ZNF385A: variants seen among roughly 807,000 people sequenced by gnomAD.
The protein encoded by ZNF385A is zinc finger protein 385A, also known as hematopoietic zinc finger protein.
A neutral mutation model predicts 32.1 loss-of-function variants in ZNF385A; 14 were observed. The ratio of observed to expected loss-of-function variants is 0.44; its 90% CI spans 0.29 to 0.68. ZNF385A has a LOEUF of 0.68. ZNF385A is among the 30% of genes least tolerant of loss of function. The pLI, the probability that ZNF385A is intolerant of heterozygous loss-of-function variation, is 0.14. For synonymous variants in ZNF385A, 197 were observed against 202.7 expected, an observed-to-expected ratio of 0.97 and a Z score of 0.24; for missense variants, 406 against 478.4, an observed-to-expected ratio of 0.85 and a Z score of 1.41.
At chr12:54,389,440 A>G (rs567434798), upstream of ZNF385A, among the ~76,000 whole-genome samples, 4 of 152,042 alleles carry the variant, frequency 2.6e-5, no homozygotes, top group South Asian at 4.1e-4. Context: ...GACTTCCCGC[A>G]CTCTGTGGGC....
Position 54,380,160 on chromosome 12 carries a change from A to C in ZNF385A, c.88-4206T>G, listed in dbSNP as rs143956977. Among the ~76,000 whole-genome samples the C allele has an allele frequency of 2.1e-3, 322 of 152,282 alleles. 2 individuals carry two copies. The highest frequency in any genetic ancestry group is 7.3e-3 in the African/African-American group (302 of 41,534). ...AGTAGGAACTGCCCAAGTAGGAGAG[A>C]GCACTGGAGGTGCCAGTCCACTGGG... is the stretch of plus-strand genomic sequence containing the variant. On this transcript the variant is annotated intron_variant, in intron 1 of 6. Transcript: ENST00000394313.
rs1251333013 is a variant in ZNF385A, at chr12:54,371,730, G to C, written c.362-15C>G. 6.2e-7 allele frequency: 1 copy of C among 1,610,934 alleles called. No individual in the cohort carries two copies. Among genetic ancestry groups the C allele is most frequent in the African/African-American group, 1.3e-5 (1 of 74,680 alleles). ...CTCCATGGAAACTGTTGTTGGGGGA[G>C]AAACATGGGGATCACCCTAGATGGC... On this transcript the variant is annotated splice_polypyrimidine_tract_variant and intron_variant, in intron 3 of 6. Transcript: ENST00000394313.
chr12:54,370,447 C>T lies in ZNF385A; in HGVS notation c.910G>A (p.Ala304Thr). ...TFSKELPKSL[A>T]GGLLPSPLAV... ...AGGGGGCTGGGGAGCAGGCCGCCCG[C>T]CAGGGACTTGGGCAGCTCCTTGGAG... Residue 304 changes from alanine to threonine, a missense_variant, in exon 7 of 7, where the codon GCG (alanine) becomes ACG (threonine). Coordinates refer to ENST00000394313, the MANE Select transcript of ZNF385A (RefSeq NM_015481.3). The surrounding 1 kb of genome is among the most constrained non-coding windows in gnomAD (Gnocchi z 5.5). 6.4e-7 allele frequency: 1 copy of T among 1,550,856 alleles called. No homozygotes were observed.
At chr12:54,371,820 G>T in intron 3 of ZNF385A, 105 bp from the exon 4 acceptor site, 1 of 1,513,448 alleles carries the variant, frequency 6.6e-7, no homozygotes. Flanking sequence ...GGGACCAGGA[G>T]TCCCCACCCT....
At position 54,370,594 on chromosome 12, in the gene ZNF385A, C is replaced by G; in HGVS notation, c.870+32G>C. On this transcript the variant is annotated intron_variant, in intron 6 of 6. Coordinates refer to ENST00000394313, the MANE Select transcript of ZNF385A (RefSeq NM_015481.3). This position sits in a 1 kb window ranked among gnomAD's most constrained non-coding sequence, Gnocchi z 5.5. Reference sequence around the variant, plus strand: ...CTCTCTCCTCCCCGCCCGCGCCCTCCCACTGCTGAATTCCCAGCATCCAGG... The same window carrying G: ...CTCTCTCCTCCCCGCCCGCGCCCTCGCACTGCTGAATTCCCAGCATCCAGG... 7 of 1,574,242 alleles carry G rather than the reference C, an allele frequency of 4.4e-6. No individual in the cohort carries two copies. Among genetic ancestry groups the G allele is most frequent in the Non-Finnish European group, 6.0e-6 (7 of 1,159,534 alleles).
Position 54,384,470 on chromosome 12 carries a change from G to T in ZNF385A, c.45C>A (p.Leu15=), listed in dbSNP as rs766893553. The T allele has an allele frequency of 1.9e-6, 3 of 1,589,308 alleles. No homozygotes were observed. The highest frequency in any genetic ancestry group is 2.7e-5 in the African/African-American group (2 of 74,066). Residue 15 remains leucine, a synonymous_variant, in exon 1 of 7, where the codon CTC becomes CTA. Coordinates refer to ENST00000394313, the MANE Select transcript of ZNF385A (RefSeq NM_015481.3). Reference sequence around the variant, plus strand: ...AGAGGCCAAGGGTAGGGGCTGGCTCGAGTGGGAAGGGCAGGATCTGCTTGA... The same window carrying T: ...AGAGGCCAAGGGTAGGGGCTGGCTCTAGTGGGAAGGGCAGGATCTGCTTGA... ...LDLKQILPFP[L]EPAPTLGLFS... is the part of the protein sequence containing the mutation.
At chr12:54,376,134 G>C (rs1378670287) in intron 1 of ZNF385A, among the ~76,000 whole-genome samples, 180 bp from the exon 2 acceptor site, 1 of 152,146 alleles carries the variant, frequency 6.6e-6, no homozygotes, top group Non-Finnish European at 1.5e-5. Flanking sequence ...AGCACTGAAA[G>C]GGACCTGATC....
chr12:54,383,149 A>T (rs1295202330), intron 1 of ZNF385A, among the ~76,000 whole-genome samples: 1 of 152,078 alleles, frequency 6.6e-6, no homozygotes, highest in Middle Eastern at 3.2e-3. Context: ...TGAGAGATTG[A>T]GCAAGACTAC....
At position 54,384,220 on chromosome 12, in the gene ZNF385A, T is replaced by C. The variant is rs1249179; in HGVS notation, c.87+208A>G. On this transcript the variant is annotated intron_variant, in intron 1 of 6. Transcript: ENST00000394313. ...AACACTTAGCACAGTGTCTGGCCCG[T>C]AGCAAGACCTCAGCAAATATTAGCT... 4.9e-3 allele frequency among the ~76,000 whole-genome samples: 742 copies of C among 152,334 alleles called. 5 individuals are homozygous for C. The highest frequency in any genetic ancestry group is 0.017 in the African/African-American group (702 of 41,560).
rs557294349 is a variant in ZNF385A, at chr12:54,369,613, G to T, written c.*643C>A. 8 of 153,102 alleles carry T rather than the reference G, an allele frequency of 5.2e-5. No homozygotes were observed. The highest frequency in any genetic ancestry group is 1.9e-4 in the African/African-American group (8 of 41,584). The allele number at this position is 153,102 out of a possible 1,614,324, so 9.5% of individuals were successfully genotyped here. ...TAGGGAGGAAGAAGGCGAGGGAAAG[G>T]TCTATGGTGGCATCTCCTTGGTCCC... On this transcript the variant is annotated 3_prime_UTR_variant, in exon 7 of 7. Coordinates refer to ENST00000394313, the MANE Select transcript of ZNF385A (RefSeq NM_015481.3).
intron 1 of ZNF385A, among the ~76,000 whole-genome samples, chr12:54,377,510 C>T (rs917923092): frequency 2.6e-5 from 4 of 152,120 alleles, no homozygotes; most frequent in Non-Finnish European, 4.4e-5. Context: ...ATGTACTGTG[C>T]GTACATCATT....
upstream of ZNF385A, chr12:54,384,864 C>T: frequency 8.9e-7 from 1 of 1,123,578 alleles, no homozygotes; most frequent in Non-Finnish European, 1.1e-6. Context: ...CATACCTTTT[C>T]TGCAGGCTGC....
chr12:54,374,270 GC>G, intron 2 of ZNF385A, 135 bp from the exon 3 acceptor site: 1 of 782,256 alleles, frequency 1.3e-6, no homozygotes, highest in Non-Finnish European at 1.8e-6. Context: ...GAGATGTAAA[GC>G]CCCATACCAA....
At position 54,375,886 on chromosome 12, in the gene ZNF385A, G is replaced by C; in HGVS notation, c.156C>G (p.Pro52=). The part of the protein sequence containing the change: ...FGGPLLKTKR[P]VISCNICQIR... ...TTTGACAGATATTACAGGAAATGAC[G>C]GGCCGCTTGGTCTTGAGCAAGGGTC... Residue 52 remains proline, a synonymous_variant, in exon 2 of 7, where the codon CCC becomes CCG. Transcript: ENST00000394313. 6.2e-7 allele frequency: 1 copy of C among 1,614,090 alleles called. No homozygotes were observed.
intron 1 of ZNF385A, among the ~76,000 whole-genome samples, chr12:54,383,918 G>C (rs568528178): frequency 2.0e-5 from 3 of 152,062 alleles, no homozygotes; most frequent in Non-Finnish European, 4.4e-5. Context: ...ACAAACACAC[G>C]AATAGACAGC....
chr12:54,388,967 C>G (rs900684819), upstream of ZNF385A, among the ~76,000 whole-genome samples: 2 of 152,202 alleles, frequency 1.3e-5, no homozygotes, highest in Non-Finnish European at 2.9e-5. Flanking sequence ...ACTCAAAACA[C>G]CATGCCTAAT....
At chr12:54,376,013 C>CGGGGGA (rs1954833283) in intron 1 of ZNF385A, 59 bp from the exon 2 acceptor site, 1 of 1,392,726 alleles carries the variant, frequency 7.2e-7, no homozygotes, top group African/African-American at 1.4e-5. Context: ...CCAGCATTCC[C>CGGGGGA]CCAACACAGA....
chr12:54,371,791 C>T (rs1954568224), intron 3 of ZNF385A, 76 bp from the exon 4 acceptor site: 3 of 1,583,788 alleles, frequency 1.9e-6, no homozygotes, highest in Admixed American at 3.9e-5. Flanking sequence ...AGAGACCCCC[C>T]CCATTTCCTG....
chr12:54,380,579 C>T (rs1367514881), intron 1 of ZNF385A, among the ~76,000 whole-genome samples: 1 of 152,166 alleles, frequency 6.6e-6, no homozygotes, highest in Non-Finnish European at 1.5e-5. Flanking sequence ...CTTGGCTTCT[C>T]CAACTCTACA....
Sources: allele counts gnomAD v4.1 joint callset (sites outside exome capture counted in the v4.1 genomes callset), GRCh38; gene constraint gnomAD v4.1.1; non-coding constraint Gnocchi (gnomAD v3.1); transcripts MANE v1.5; gene names NCBI Gene and HGNC (gene_info 2026-07-23, HGNC 2026-07-21).